SRGAP3: variants seen among roughly 807,000 people sequenced by gnomAD.
SRGAP3 encodes SLIT-ROBO Rho GTPase-activating protein 3.
SRGAP3 carries 39 observed loss-of-function variants against 121.1 expected under a neutral mutation model. The ratio of observed to expected loss-of-function variants is 0.32; its 90% CI spans 0.25 to 0.42. SRGAP3 has a LOEUF of 0.42. SRGAP3 is among the 10% of genes least tolerant of loss of function. The pLI is 1.00. For missense variants in SRGAP3, 1,213 were observed against 1,470.6 expected (o/e 0.82, Z 2.86); for synonymous variants, 601 against 570.0 (o/e 1.05, Z -0.77).
intron 16 of SRGAP3, 29 bp downstream of exon 16, chr3:9,013,708 A>G (rs953118501): frequency 2.7e-5 from 44 of 1,612,308 alleles, no homozygotes; most frequent in Non-Finnish European, 3.5e-5. Context: ...GGCCTGAGTC[A>G]AAAAGGGGCC....
chr3:9,249,541 C>T lies in SRGAP3; in HGVS notation c.-590G>A. The stretch of plus-strand genomic sequence containing the variant: ...GGCCGGTCATCTCGCATCCTCCCTC[C>T]CTTCGGTGCCTCTGGTCTGATGTCC... On this transcript the variant is annotated 5_prime_UTR_variant, in exon 1 of 22. Coordinates refer to ENST00000383836, the MANE Select transcript of SRGAP3 (RefSeq NM_014850.4). 1 of 243,868 alleles carries T rather than the reference C, an allele frequency of 4.1e-6. No individual in the cohort carries two copies. The highest frequency in any genetic ancestry group is 8.1e-6 in the Non-Finnish European group (1 of 123,634). 15.1% of individuals were successfully genotyped at this position (243,868 alleles called of 1,614,324 possible).
chr3:9,335,460 C>A (rs1416411264), intron 1 of SRGAP3, among the ~76,000 whole-genome samples: 1 of 152,106 alleles, frequency 6.6e-6, no homozygotes, highest in Non-Finnish European at 1.5e-5. Flanking sequence ...CAATTAGTAA[C>A]CTCCAAGTAA....
At chr3:9,073,804 T>C (rs1946832234) in intron 4 of SRGAP3, among the ~76,000 whole-genome samples, 1 of 152,204 alleles carries the variant, frequency 6.6e-6, no homozygotes, top group South Asian at 2.1e-4. Flanking sequence ...GAATAGTAAG[T>C]ACAGTTGTCA....
intron 1 of SRGAP3, among the ~76,000 whole-genome samples, chr3:9,241,022 G>T (rs1385398290): frequency 6.6e-6 from 1 of 152,144 alleles, no homozygotes; most frequent in Non-Finnish European, 1.5e-5. Context: ...ACCCCTTGTT[G>T]CCTTGGCATG....
At position 9,161,534 on chromosome 3, in the gene SRGAP3, C is replaced by T. The variant is rs1485969087; in HGVS notation, c.68-36617G>A. On this transcript the variant is annotated intron_variant, in intron 1 of 21. Coordinates refer to ENST00000383836, the MANE Select transcript of SRGAP3 (RefSeq NM_014850.4). ...GAAGAGGCAGAGATAGGATATAAAC[C>T]CTGCTCTATCTCCACATTGGACTGG... 1.3e-5 allele frequency among the ~76,000 whole-genome samples: 2 copies of T among 152,342 alleles called. 1 individual carries two copies.
At position 9,241,367 on chromosome 3, in the gene SRGAP3, T is replaced by G. The variant is rs1165078495; in HGVS notation, c.67+7518A>C. On this transcript the variant is annotated intron_variant, in intron 1 of 21. Coordinates refer to ENST00000383836, the MANE Select transcript of SRGAP3 (RefSeq NM_014850.4). ...GAAATGTCATCTCCAACATATAAACTCTAGTAGTAAAAACTCCAGAAATGG... is the reference window on the plus strand; with the variant it reads ...GAAATGTCATCTCCAACATATAAACGCTAGTAGTAAAAACTCCAGAAATGG... Among the ~76,000 whole-genome samples, 4 of 152,140 alleles carry G rather than the reference T, an allele frequency of 2.6e-5. No individual in the cohort carries two copies. In the East Asian group the frequency reaches 7.7e-4, roughly 29 times the overall value.
intron 19 of SRGAP3, 106 bp from the exon 20 acceptor site, chr3:8,993,161 G>T (rs1266977929): frequency 6.4e-7 from 1 of 1,559,610 alleles, no homozygotes; most frequent in African/African-American, 1.3e-5. Context: ...ACAACTTATG[G>T]TTACTTTGTG....
At chr3:9,059,163 C>G (rs756456556) in intron 6 of SRGAP3, 1 of 152,568 alleles carries the variant, frequency 6.6e-6, no homozygotes, top group Non-Finnish European at 1.5e-5. Flanking sequence ...GTCCACATTT[C>G]CCTCTACCTC....
intron 1 of SRGAP3, among the ~76,000 whole-genome samples, chr3:9,169,180 A>T (rs577490437): frequency 6.6e-6 from 1 of 152,332 alleles, no homozygotes; most frequent in South Asian, 2.1e-4. Context: ...CTATCTTACA[A>T]TATTGGGGAG....
intron 6 of SRGAP3, 112 bp downstream of exon 6, chr3:9,060,119 T>C: frequency 6.5e-7 from 1 of 1,549,870 alleles, no homozygotes; most frequent in South Asian, 1.1e-5. Flanking sequence ...AAAAGAGCTG[T>C]GGCTACCCGA....
intron 1 of SRGAP3, among the ~76,000 whole-genome samples, chr3:9,165,664 CCT>C (rs1950760805): frequency 6.6e-6 from 1 of 152,134 alleles, no homozygotes; most frequent in African/African-American, 2.4e-5. Flanking sequence ...GTCCCGATTA[CCT>C]CTCAATCCTC....
intron 1 of SRGAP3, among the ~76,000 whole-genome samples, chr3:9,232,464 T>G (rs1559230499): frequency 6.6e-6 from 1 of 152,124 alleles, no homozygotes; most frequent in Non-Finnish European, 1.5e-5. Context: ...AACCAAAGAC[T>G]CTTTTTATAC....
At chr3:9,038,117 T>G (rs771425086) in intron 10 of SRGAP3, 27 bp from the exon 11 acceptor site, 3 of 1,614,070 alleles carry the variant, frequency 1.9e-6, no homozygotes, top group South Asian at 1.1e-5. Flanking sequence ...ACATGAATGT[T>G]TAATTGCCTT....
intron 1 of SRGAP3, among the ~76,000 whole-genome samples, chr3:9,335,673 C>T (rs1415222477): frequency 6.6e-6 from 1 of 152,144 alleles, no homozygotes; most frequent in Non-Finnish European, 1.5e-5. Flanking sequence ...CCACCCCAGA[C>T]CTACTGATTC....
intron 1 of SRGAP3, among the ~76,000 whole-genome samples, chr3:9,340,139 A>G (rs1298159808): frequency 6.6e-6 from 1 of 152,200 alleles, no homozygotes; most frequent in Non-Finnish European, 1.5e-5. Context: ...AATACACCAG[A>G]AAGATTCTGC....
chr3:9,027,302 G>A (rs1378953192), intron 12 of SRGAP3, among the ~76,000 whole-genome samples: 1 of 152,104 alleles, frequency 6.6e-6, no homozygotes, highest in Non-Finnish European at 1.5e-5. Flanking sequence ...GAACCACCTC[G>A]GGGGGGTGCT....
chr3:9,211,280 T>A (rs892514258), intron 1 of SRGAP3, among the ~76,000 whole-genome samples: 70 of 152,172 alleles, frequency 4.6e-4, no homozygotes, highest in African/African-American at 1.7e-3. Context: ...AGATACCACA[T>A]CTGGTCACAA....
intron 14 of SRGAP3, among the ~76,000 whole-genome samples, chr3:9,016,433 T>C (rs1943639129): frequency 6.6e-6 from 1 of 152,236 alleles, no homozygotes; most frequent in South Asian, 2.1e-4. Context: ...TTCTCATGAT[T>C]AGACTCCAAT....
chr3:9,174,356 T>C (rs550962468), intron 1 of SRGAP3, among the ~76,000 whole-genome samples: 1 of 152,342 alleles, frequency 6.6e-6, no homozygotes, highest in East Asian at 1.9e-4. Flanking sequence ...CTATGTGTTT[T>C]TTATCACAAT....
Sources: gnomAD v4.1 joint callset for allele counts (sites outside exome capture counted in the v4.1 genomes callset) on GRCh38, gnomAD v4.1.1 for gene constraint, MANE v1.5 for transcripts, NCBI Gene and HGNC (gene_info 2026-07-23, HGNC 2026-07-21) for gene names.